Variants in SNX16 observed in about 807,000 individuals in gnomAD.
SNX16 encodes sorting nexin 16.
A neutral mutation model predicts 36.7 loss-of-function variants in SNX16; 35 were observed. The ratio of observed to expected loss-of-function variants is 0.95; its 90% CI spans 0.73 to 1.27. The LOEUF (loss-of-function observed/expected upper bound fraction) is 1.27. Among genes scored for constraint, SNX16 ranks in the 50% most tolerant of loss-of-function variants. The pLI is 0.00. For missense variants in SNX16, 367 were observed against 393.6 expected, an observed-to-expected ratio of 0.93 and a Z score of 0.57; for synonymous variants, 134 against 132.0, an observed-to-expected ratio of 1.02 and a Z score of -0.10.
Position 81,801,599 on chromosome 8 carries a change from A to T in SNX16, c.939-6T>A. 1.3e-6 allele frequency: 1 copy of T among 784,848 alleles called. No homozygotes were observed. Among genetic ancestry groups the T allele is most frequent in the Non-Finnish European group, 1.7e-6 (1 of 572,256 alleles). The allele number at this position is 784,848 out of a possible 1,614,324, so 48.6% of individuals were successfully genotyped here. On this transcript the variant is annotated splice_region_variant and splice_polypyrimidine_tract_variant and intron_variant, in intron 7 of 7. Transcript: ENST00000345957. The stretch of plus-strand genomic sequence containing the variant: ...AGCATGGTTTATTATCAGCTCTGCA[A>T]AAAAAAAAAAAAAAGGAACATATCA...
chr8:81,837,682 C>T (rs986013097), intron 2 of SNX16, among the ~76,000 whole-genome samples: 24 of 152,288 alleles, frequency 1.6e-4, no homozygotes, highest in South Asian at 4.1e-4. Flanking sequence ...CCAAAAGCTC[C>T]ATCTCTTAAT....
At chr8:81,820,608 G>T (rs799331) in intron 4 of SNX16, among the ~76,000 whole-genome samples, 37,229 of 151,662 alleles carry the variant, frequency 0.25, 5,173 homozygotes, top group East Asian at 0.37. Flanking sequence ...CTAATTATTT[G>T]TTTCTGACTT....
At chr8:81,834,120 T>C (rs1563454584) in intron 2 of SNX16, among the ~76,000 whole-genome samples, 1 of 152,206 alleles carries the variant, frequency 6.6e-6, no homozygotes, top group Non-Finnish European at 1.5e-5. Flanking sequence ...TCCATGTGGC[T>C]AGGGAGGCCT....
chr8:81,829,929 C>G (rs1254345993), intron 2 of SNX16, among the ~76,000 whole-genome samples: 1 of 151,786 alleles, frequency 6.6e-6, no homozygotes, highest in Admixed American at 6.6e-5. Flanking sequence ...TTTTTATTGC[C>G]AAGAATAAAA....
chr8:81,835,188 CCT>C (rs953067650), intron 2 of SNX16, among the ~76,000 whole-genome samples: 3 of 152,210 alleles, frequency 2.0e-5, no homozygotes, highest in Non-Finnish European at 2.9e-5. Flanking sequence ...TATGTTGGCC[CCT>C]GTCAGCCATG....
intron 3 of SNX16, among the ~76,000 whole-genome samples, chr8:81,827,625 C>T (rs1273957495): frequency 1.3e-5 from 2 of 152,006 alleles, no homozygotes; most frequent in African/African-American, 4.8e-5. Flanking sequence ...GCATCTTAAC[C>T]AAATCTTAAA....
chr8:81,824,499 T>A (rs1005669781), intron 3 of SNX16, among the ~76,000 whole-genome samples: 5 of 152,072 alleles, frequency 3.3e-5, no homozygotes, highest in Admixed American at 1.3e-4. Context: ...ATTCATCCAT[T>A]GTTTCTTTTA....
intron 1 of SNX16, chr8:81,840,291 T>C: frequency 4.2e-6 from 1 of 236,256 alleles, no homozygotes; most frequent in South Asian, 1.0e-4. Context: ...GACTCCATGT[T>C]ACATGTTATC....
At chr8:81,803,946 G>A (rs917365218) in intron 5 of SNX16, among the ~76,000 whole-genome samples, 12 of 150,248 alleles carry the variant, frequency 8.0e-5, no homozygotes, top group African/African-American at 2.9e-4. Context: ...GTATCATAAG[G>A]AAGACAAATA....
intron 4 of SNX16, among the ~76,000 whole-genome samples, chr8:81,818,459 A>AT (rs1459718194): frequency 7.9e-5 from 12 of 152,090 alleles, no homozygotes; most frequent in African/African-American, 2.9e-4. Context: ...GAATTATTGA[A>AT]TTTTTTTTAA....
intron 2 of SNX16, among the ~76,000 whole-genome samples, chr8:81,836,561 C>G (rs1330061926): frequency 1.3e-5 from 2 of 152,104 alleles, no homozygotes; most frequent in African/African-American, 4.8e-5. Context: ...TTGAAGTCAC[C>G]TTTGACCTCT....
intron 3 of SNX16, among the ~76,000 whole-genome samples, chr8:81,828,874 C>A (rs538193868): frequency 6.6e-6 from 1 of 152,220 alleles, no homozygotes; most frequent in South Asian, 2.1e-4. Context: ...TGACAATCAG[C>A]CAGGAAACAG....
In SNX16 at chr8:81,799,835, G is replaced by C. The variant is rs1046544873; in HGVS notation, c.*1662C>G. ...GCAAAGATCTGTTATATAAGATACA[G>C]AATGGTACTGATTAAATGATTGTTC... is the stretch of plus-strand genomic sequence containing the variant. On this transcript the variant is annotated 3_prime_UTR_variant, in exon 8 of 8. Coordinates refer to ENST00000345957, the MANE Select transcript of SNX16 (RefSeq NM_152836.3). 23 of 151,810 alleles carry C rather than the reference G, an allele frequency of 1.5e-4. No individual in the cohort carries two copies. The highest frequency in any genetic ancestry group is 2.8e-4 in the Non-Finnish European group (19 of 67,776). The allele number at this position is 151,810 out of a possible 1,614,324, so 9.4% of individuals were successfully genotyped here. A position where few individuals can be genotyped will look rare whatever the true frequency, so the allele number is the denominator to read the frequency against.
At chr8:81,831,265 G>C (rs1354888869) in intron 2 of SNX16, among the ~76,000 whole-genome samples, 1 of 152,116 alleles carries the variant, frequency 6.6e-6, no homozygotes, top group Admixed American at 6.5e-5. Context: ...CTTGATGTGA[G>C]ACCTAATTAA....
At chr8:81,815,499 T>C (rs1242576208) in intron 4 of SNX16, 105 bp from the exon 5 acceptor site, 8 of 763,672 alleles carry the variant, frequency 1.0e-5, no homozygotes, top group East Asian at 2.8e-5. Context: ...AACAAGTTGG[T>C]TATGTGTTTT....
At chr8:81,816,739 CAG>C (rs1350922948) in intron 4 of SNX16, among the ~76,000 whole-genome samples, 1 of 152,158 alleles carries the variant, frequency 6.6e-6, no homozygotes, top group Non-Finnish European at 1.5e-5. Flanking sequence ...TACCGAATTT[CAG>C]AGAGGTGAAA....
chr8:81,808,942 C>T (rs1810099530), intron 5 of SNX16, among the ~76,000 whole-genome samples: 1 of 150,994 alleles, frequency 6.6e-6, no homozygotes, highest in African/African-American at 2.4e-5. Context: ...ATTTTAGTTT[C>T]TGTTCTGTGG....
intron 2 of SNX16, among the ~76,000 whole-genome samples, chr8:81,835,109 C>G (rs1478379028): frequency 6.6e-6 from 1 of 152,224 alleles, no homozygotes; most frequent in Non-Finnish European, 1.5e-5. Flanking sequence ...TGTGCACTCA[C>G]AGGCTCAACA....
chr8:81,828,457 T>A (rs765115932), intron 3 of SNX16, among the ~76,000 whole-genome samples: 1 of 152,202 alleles, frequency 6.6e-6, no homozygotes, highest in Non-Finnish European at 1.5e-5. Context: ...TACTGTTTGT[T>A]GCATTTTTTA....
Sources: allele counts gnomAD v4.1 joint callset (sites outside exome capture counted in the v4.1 genomes callset), GRCh38; gene constraint gnomAD v4.1.1; transcripts MANE v1.5; gene names NCBI Gene and HGNC (gene_info 2026-07-23, HGNC 2026-07-21).